Variants in LINGO1 observed in about 807,000 individuals in gnomAD.
LINGO1 encodes the protein leucine-rich repeat and immunoglobulin-like domain-containing nogo receptor-interacting protein 1.
Under a neutral mutation model 37.3 loss-of-function variants are expected in LINGO1, and 11 were observed. The ratio of observed to expected loss-of-function variants is 0.29; its 90% CI spans 0.19 to 0.49. The LOEUF (loss-of-function observed/expected upper bound fraction) is 0.49, where lower values mean the gene tolerates loss of function less well. Among genes scored for constraint, LINGO1 ranks in the 20% least tolerant of loss-of-function variants. The probability of loss-of-function intolerance (pLI) is 0.99; values close to 1 mark genes in which losing one functional copy is unlikely to be tolerated. For synonymous variants in LINGO1, 387 were observed against 403.0 expected (o/e 0.96, Z 0.48); for missense variants, 585 against 878.2 (o/e 0.67, Z 4.22).
chr15:77,717,108 C>A (rs563257989), intron 2 of LINGO1, among the ~76,000 whole-genome samples: 1 of 150,550 alleles, frequency 6.6e-6, no homozygotes, highest in Non-Finnish European at 1.5e-5. Context: ...TCCCCAGCGC[C>A]CCTTGCCCAC....
intron 1 of LINGO1, among the ~76,000 whole-genome samples, chr15:77,776,164 T>C (rs2076636235): frequency 1.3e-5 from 2 of 151,388 alleles, no homozygotes; most frequent in South Asian, 2.1e-4. Context: ...CCTCCCTTTA[T>C]GGGGACAGAG....
At chr15:77,646,525 C>G in intron 3 of LINGO1, 1 of 444,212 alleles carries the variant, frequency 2.3e-6, no homozygotes. Context: ...AGTCTGTAAG[C>G]AGGTGTGGCA....
chr15:77,684,684 C>G (rs1461623149), intron 2 of LINGO1, among the ~76,000 whole-genome samples: 2 of 152,108 alleles, frequency 1.3e-5, no homozygotes, highest in African/African-American at 2.4e-5. Context: ...GGGGTGGGGA[C>G]CAGTCCCAAA....
At chr15:77,755,827 C>T (rs575562345) in intron 1 of LINGO1, among the ~76,000 whole-genome samples, 11 of 152,314 alleles carry the variant, frequency 7.2e-5, no homozygotes, top group African/African-American at 2.4e-4. Flanking sequence ...ACCTCCTTCC[C>T]GATGCCACAC....
upstream of LINGO1, among the ~76,000 whole-genome samples, chr15:77,698,767 G>A (rs536356161): frequency 2.5e-4 from 38 of 152,334 alleles, no homozygotes; most frequent in African/African-American, 8.9e-4. Context: ...AGGCCCAGCG[G>A]ACTGTGGGCA....
intron 2 of LINGO1, among the ~76,000 whole-genome samples, chr15:77,731,464 G>A (rs1347846684): frequency 2.0e-5 from 3 of 152,172 alleles, no homozygotes; most frequent in Non-Finnish European, 4.4e-5. Flanking sequence ...ATGGGGAAGG[G>A]GATTCAATCC....
intron 1 of LINGO1, among the ~76,000 whole-genome samples, chr15:77,776,488 A>G (rs113086501): frequency 0.047 from 4,192 of 89,444 alleles, 125 homozygotes; most frequent in African/African-American, 0.12. Context: ...AAGGCAGGAA[A>G]GCAGGAAGGC....
chr15:77,652,642 TCTC>T (rs774781077), intron 3 of LINGO1, among the ~76,000 whole-genome samples: 5 of 152,144 alleles, frequency 3.3e-5, no homozygotes, highest in Non-Finnish European at 7.4e-5. Flanking sequence ...CTCCTGCTGT[TCTC>T]CACCTGGAAC....
At chr15:77,773,987 T>C (rs1324951960) in intron 1 of LINGO1, among the ~76,000 whole-genome samples, 3 of 152,062 alleles carry the variant, frequency 2.0e-5, no homozygotes, top group Non-Finnish European at 2.9e-5. Flanking sequence ...GGTCAGGAGT[T>C]CCTGGAAGGG....
chr15:77,723,080 C>G (rs1008875839), intron 2 of LINGO1, among the ~76,000 whole-genome samples: 2 of 152,166 alleles, frequency 1.3e-5, no homozygotes, highest in Non-Finnish European at 2.9e-5. Flanking sequence ...CCTCTCTGAG[C>G]TCTAGTTTTC....
At chr15:77,661,866 G>C (rs2075001308) in intron 3 of LINGO1, among the ~76,000 whole-genome samples, 2 of 152,224 alleles carry the variant, frequency 1.3e-5, no homozygotes, top group African/African-American at 2.4e-5. Context: ...TGCTGACCCA[G>C]AGAGTCTTGG....
rs117769912 is a variant in LINGO1, at chr15:77,744,774, C to T, written c.-256-9721G>A. Among the ~76,000 whole-genome samples the T allele has an allele frequency of 5.4e-3, 825 of 152,276 alleles. 5 individuals carry two copies. Among genetic ancestry groups the T allele is most frequent in the Middle Eastern group, 0.01 (3 of 294 alleles). On this transcript the variant is annotated intron_variant, in intron 1 of 3. Transcript: ENST00000561686. ...GAGTACAGCCAGGATCACAGCTGGA[C>T]AGGCTGGCTCCAGAGGCCTCACCCT...
At chr15:77,729,250 G>T (rs2076132034) in intron 2 of LINGO1, among the ~76,000 whole-genome samples, 1 of 152,210 alleles carries the variant, frequency 6.6e-6, no homozygotes, top group Non-Finnish European at 1.5e-5. Context: ...GGAAGGGGAT[G>T]CAAAGAAGCC....
chr15:77,616,943 A>C (rs1203773634), intron 1 of LINGO1, among the ~76,000 whole-genome samples: 1 of 152,206 alleles, frequency 6.6e-6, no homozygotes, highest in African/African-American at 2.4e-5. Flanking sequence ...CAGGGCTCCC[A>C]CCACCTTCTT....
At chr15:77,716,280 C>CTTTTT (rs5813879) in intron 2 of LINGO1, among the ~76,000 whole-genome samples, 39 of 119,242 alleles carry the variant, frequency 3.3e-4, no homozygotes, top group Non-Finnish European at 4.6e-4. Context: ...TCTTCTTCTT[C>CTTTTT]TTTTTTTTTT....
At chr15:77,780,587 T>G (rs1179757364) in intron 1 of LINGO1, among the ~76,000 whole-genome samples, 1 of 151,994 alleles carries the variant, frequency 6.6e-6, no homozygotes, top group East Asian at 1.9e-4. Flanking sequence ...AGGACAGGAG[T>G]GCAGGGGTGG....
chr15:77,624,978 C>CA (rs985606741), intron 1 of LINGO1, among the ~76,000 whole-genome samples: 6 of 152,234 alleles, frequency 3.9e-5, no homozygotes, highest in African/African-American at 1.4e-4. Flanking sequence ...ATCCCCTGCC[C>CA]AGGCCAGTGG....
chr15:77,721,413 T>C (rs1245437788), intron 2 of LINGO1, among the ~76,000 whole-genome samples: 1 of 151,936 alleles, frequency 6.6e-6, no homozygotes, highest in East Asian at 1.9e-4. Flanking sequence ...TGGTGTCACC[T>C]CCTCCCAAAG....
intron 1 of LINGO1, among the ~76,000 whole-genome samples, chr15:77,804,542 CTCAT>C (rs1335951643): frequency 6.6e-6 from 1 of 152,206 alleles, no homozygotes; most frequent in Non-Finnish European, 1.5e-5. Context: ...AACCCTGAGT[CTCAT>C]TCTCAGACTC....
Sources: allele counts gnomAD v4.1 joint callset (sites outside exome capture counted in the v4.1 genomes callset), GRCh38; gene constraint gnomAD v4.1.1; transcripts MANE v1.5; gene names NCBI Gene and HGNC (gene_info 2026-07-23, HGNC 2026-07-21).